WNT2: variants seen among roughly 807,000 people sequenced by gnomAD.
WNT2 encodes the protein Wnt family member 2.
In WNT2, 12 loss-of-function variants were observed where a neutral mutation model predicts 36.9. The ratio of observed to expected loss-of-function variants is 0.33; its 90% CI spans 0.21 to 0.53. The LOEUF (loss-of-function observed/expected upper bound fraction) is 0.53. WNT2 is among the 20% of genes least tolerant of loss of function. WNT2 has a pLI of 0.95. For missense variants in WNT2, 379 were observed against 473.1 expected (o/e 0.80, Z 1.84); for synonymous variants, 163 against 174.6 (o/e 0.93, Z 0.52).
chr7:117,313,364 T>A (rs914466726), intron 3 of WNT2, among the ~76,000 whole-genome samples: 1 of 152,210 alleles, frequency 6.6e-6, no homozygotes, highest in Non-Finnish European at 1.5e-5. Context: ...TTTATTCCAA[T>A]CAAAAGTAGC....
intron 3 of WNT2, among the ~76,000 whole-genome samples, chr7:117,302,566 T>A (rs1259237535): frequency 6.6e-6 from 1 of 152,142 alleles, no homozygotes; most frequent in Non-Finnish European, 1.5e-5. Context: ...GTGATTCCAC[T>A]CTGGAAACAT....
chr7:117,300,730 T>C (rs1464397483), intron 3 of WNT2: 1 of 152,238 alleles, frequency 6.6e-6, no homozygotes, highest in African/African-American at 2.4e-5. Flanking sequence ...AGTCTGGTGT[T>C]TGAGGCTGCA....
chr7:117,278,095 T>C lies in WNT2; in HGVS notation c.*60A>G, dbSNP rs1469402827. On this transcript the variant is annotated 3_prime_UTR_variant, in exon 5 of 5. Transcript: ENST00000265441. ...CCAGAAAGAACCCAAAGGTCCAGTG[T>C]TCTTGCAGATCCAATGGAGTCCTTG... The C allele has an allele frequency of 2.4e-5, 38 of 1,561,524 alleles. 2 individuals are homozygous for C. In the South Asian group the frequency reaches 4.1e-4, roughly 17 times the overall value.
chr7:117,292,428 T>G (rs1264808168), intron 4 of WNT2, among the ~76,000 whole-genome samples: 4 of 152,186 alleles, frequency 2.6e-5, no homozygotes, highest in Admixed American at 1.3e-4. Context: ...GAACCTCACT[T>G]TCCTTCTCTA....
chr7:117,275,788 C>T lies in WNT2; in HGVS notation c.*2367G>A, dbSNP rs949695703. 9.2e-5 allele frequency among the ~76,000 whole-genome samples: 14 copies of T among 152,232 alleles called. No individual in the cohort carries two copies. The highest frequency in any genetic ancestry group is 1.8e-4 in the Non-Finnish European group (12 of 68,036). On this transcript the variant is annotated 3_prime_UTR_variant, in exon 5 of 5. Coordinates refer to ENST00000265441, the MANE Select transcript of WNT2 (RefSeq NM_003391.3). ...AAAGCCGATAGCAATATTTCATTCT[C>T]TTATTTTTCCCACCTCAGTGGCAGG...
intron 4 of WNT2, among the ~76,000 whole-genome samples, chr7:117,292,768 C>T (rs142130598): frequency 6.6e-6 from 1 of 152,122 alleles, no homozygotes; most frequent in Non-Finnish European, 1.5e-5. Context: ...CTCTCTTATA[C>T]TGGGCAAGAC....
At chr7:117,279,299 G>A (rs1794439048) in intron 4 of WNT2, among the ~76,000 whole-genome samples, 1 of 152,122 alleles carries the variant, frequency 6.6e-6, no homozygotes, top group African/African-American at 2.4e-5. Context: ...AGACATTTTG[G>A]GAGAGTATGC....
chr7:117,310,918 G>T (rs764628782), intron 3 of WNT2, among the ~76,000 whole-genome samples: 3 of 152,178 alleles, frequency 2.0e-5, no homozygotes, highest in Non-Finnish European at 4.4e-5. Flanking sequence ...CCTTGCAATT[G>T]TATTACTCTT....
chr7:117,319,848 A>C (rs1337144399), intron 2 of WNT2, among the ~76,000 whole-genome samples: 1 of 152,204 alleles, frequency 6.6e-6, no homozygotes, highest in African/African-American at 2.4e-5. Flanking sequence ...TCTATCCTCC[A>C]TAGCTATCCT....
At position 117,315,174 on chromosome 7, in the gene WNT2, T is replaced by G. The variant is rs754497104; in HGVS notation, c.485A>C (p.Asp162Ala). The change falls in exon 3 of 5, where the codon GAC becomes GCC. Residue 162 changes from aspartate (D) to alanine (A), a missense_variant. Transcript: ENST00000265441. ...FDWGGCSDNI[D>A]YGIKFARAFV... ...TGCGCGGGCAAATTTGATCCCATAG[T>G]CAATGTTATCACTGCAGCCACCCCA... 1.2e-6 allele frequency: 2 copies of G among 1,614,190 alleles called. No individual in the cohort carries two copies. Among genetic ancestry groups the G allele is most frequent in the South Asian group, 2.2e-5 (2 of 91,082 alleles).
intron 4 of WNT2, among the ~76,000 whole-genome samples, chr7:117,288,813 A>G (rs1794632486): frequency 6.6e-6 from 1 of 152,308 alleles, no homozygotes; most frequent in South Asian, 2.1e-4. Context: ...CTAAAAATAT[A>G]GTAATTCTAC....
At chr7:117,307,610 A>T (rs1002040282) in intron 3 of WNT2, among the ~76,000 whole-genome samples, 1 of 152,244 alleles carries the variant, frequency 6.6e-6, no homozygotes, top group Non-Finnish European at 1.5e-5. Context: ...AGTTATAAAG[A>T]CAAACTTCTC....
Position 117,292,141 on chromosome 7 carries a change from T to C in WNT2, c.853+5471A>G, listed in dbSNP as rs79396645. Among the ~76,000 whole-genome samples, 982 of 152,262 alleles carry C rather than the reference T, an allele frequency of 6.4e-3. 8 individuals carry two copies. The highest frequency in any genetic ancestry group is 0.022 in the African/African-American group (927 of 41,540). ...TTTTGAAAATCTGAGGGGCTTGTAA[T>C]TGAAAAGGGCTTCAAGGCAACCTAA... On this transcript the variant is annotated intron_variant, in intron 4 of 4. Coordinates refer to ENST00000265441, the MANE Select transcript of WNT2 (RefSeq NM_003391.3).
At chr7:117,301,622 C>T (rs1007645974) in intron 3 of WNT2, among the ~76,000 whole-genome samples, 3 of 152,124 alleles carry the variant, frequency 2.0e-5, no homozygotes, top group Non-Finnish European at 2.9e-5. Flanking sequence ...TGAAAACCTG[C>T]GCTCTGCGAG....
chr7:117,278,302 G>C lies in WNT2; in HGVS notation c.936C>G (p.Gly312=). 6.2e-7 allele frequency: 1 copy of C among 1,614,242 alleles called. No homozygotes were observed. The highest frequency in any genetic ancestry group is 8.5e-7 in the Non-Finnish European group (1 of 1,180,042). ...DSCEVMCCGR[G]YDTSHVTRMT... ...TCCGGGTGACATGGGAGGTGTCGTAGCCTCTCCCACAGCACATGACTTCAC... is the reference window on the plus strand; with the variant it reads ...TCCGGGTGACATGGGAGGTGTCGTACCCTCTCCCACAGCACATGACTTCAC... Residue 312 remains glycine (G), a synonymous_variant, in exon 5 of 5, where the codon GGC becomes GGG. Transcript: ENST00000265441.
intron 4 of WNT2, 32 bp from the exon 5 acceptor site, chr7:117,278,416 A>G (rs765918021): frequency 2.5e-6 from 4 of 1,591,348 alleles, no homozygotes; most frequent in Admixed American, 3.5e-5. Context: ...GTTACTGAAA[A>G]GGTCTGGGTG....
In WNT2 at chr7:117,322,820, G is replaced by A. The variant is rs1374639599; in HGVS notation, c.83+87C>T. The stretch of plus-strand genomic sequence containing the variant: ...GAATCCGAGACTGCTGCGGCCGCGG[G>A]GGAACGCAGCCAGGAAGGGTCTATG... On this transcript the variant is annotated intron_variant, in intron 1 of 4. Coordinates refer to ENST00000265441, the MANE Select transcript of WNT2 (RefSeq NM_003391.3). This position sits in a 1 kb window ranked among gnomAD's most constrained non-coding sequence, Gnocchi z 5.4. 3 of 1,387,938 alleles carry A rather than the reference G, an allele frequency of 2.2e-6. No individual in the cohort carries two copies. The African/African-American group carries it at 4.3e-5, about 20-fold the overall frequency. The allele number at this position is 1,387,938 out of a possible 1,614,324, so 86.0% of individuals were successfully genotyped here.
intron 3 of WNT2, among the ~76,000 whole-genome samples, chr7:117,310,062 A>G (rs1373871791): frequency 6.6e-6 from 1 of 152,122 alleles, no homozygotes; most frequent in African/African-American, 2.4e-5. Flanking sequence ...TTACAGTTGC[A>G]TGCCACCTTG....
chr7:117,283,532 G>C (rs1429386894), intron 4 of WNT2, among the ~76,000 whole-genome samples: 2 of 152,178 alleles, frequency 1.3e-5, no homozygotes, highest in Admixed American at 1.3e-4. Context: ...TTCCTGAGTG[G>C]CTTCCAGCCT....
Sources: gnomAD v4.1 joint callset for allele counts (sites outside exome capture counted in the v4.1 genomes callset) on GRCh38, gnomAD v4.1.1 for gene constraint, Gnocchi (gnomAD v3.1) non-coding constraint, MANE v1.5 for transcripts, NCBI Gene and HGNC (gene_info 2026-07-23, HGNC 2026-07-21) for gene names.